Variants in CCDC60 observed in about 807,000 individuals in gnomAD.
CCDC60 encodes coiled-coil domain-containing protein 60.
Under a neutral mutation model 63.5 loss-of-function variants are expected in CCDC60, and 54 were observed. The observed-to-expected ratio is 0.85, with a 90% CI of 0.68 to 1.07. CCDC60 has a LOEUF of 1.07. CCDC60 is among the 50% of genes least tolerant of loss of function. CCDC60 has a pLI of 0.00. For missense variants in CCDC60, 651 were observed against 684.3 expected, an observed-to-expected ratio of 0.95 and a Z score of 0.54; for synonymous variants, 206 against 238.8, an observed-to-expected ratio of 0.86 and a Z score of 1.27.
chr12:119,472,074 A>C lies in CCDC60; in HGVS notation c.251A>C (p.Gln84Pro), dbSNP rs1305837033. 2 of 1,614,184 alleles carry C rather than the reference A, an allele frequency of 1.2e-6. No homozygotes were observed. The highest frequency in any genetic ancestry group is 1.7e-6 in the Non-Finnish European group (2 of 1,180,022). Residue 84 changes from glutamine (Q) to proline (P), a missense_variant, in exon 3 of 14, where the codon CAA becomes CCA. Transcript: ENST00000327554. The part of the protein sequence containing the change: ...REETAKKKKQ[Q>P]QLQKLKEEER... ...GAGACTGCAAAGAAAAAGAAGCAAC[A>C]ACAACTTCAGAAACTGAAAGAGGAG...
intron 1 of CCDC60, among the ~76,000 whole-genome samples, chr12:119,428,138 T>C (rs1396178788): frequency 1.3e-5 from 2 of 152,158 alleles, no homozygotes; most frequent in African/African-American, 4.8e-5. Flanking sequence ...GGATAATTCA[T>C]TCATAAACCT....
At chr12:119,375,903 G>A (rs539281092) in intron 1 of CCDC60, among the ~76,000 whole-genome samples, 3 of 152,304 alleles carry the variant, frequency 2.0e-5, no homozygotes, top group Admixed American at 2.0e-4. Flanking sequence ...GAAGCTCTTA[G>A]TATAAAGTCT....
chr12:119,427,330 G>T (rs891295415), intron 1 of CCDC60, among the ~76,000 whole-genome samples: 2 of 152,068 alleles, frequency 1.3e-5, no homozygotes, highest in African/African-American at 4.8e-5. Flanking sequence ...ATATTACTTT[G>T]TAACATGTCT....
chr12:119,436,000 G>A (rs944726164), intron 2 of CCDC60, among the ~76,000 whole-genome samples: 9 of 152,208 alleles, frequency 5.9e-5, no homozygotes, highest in African/African-American at 1.7e-4. Flanking sequence ...GCTAGGACTT[G>A]TAGTCCTAAG....
chr12:119,503,332 G>A (rs1018353335), intron 6 of CCDC60, among the ~76,000 whole-genome samples: 3 of 152,308 alleles, frequency 2.0e-5, no homozygotes, highest in Admixed American at 2.0e-4. Context: ...AAAGAGTAGA[G>A]GGGCCTTCTG....
intron 13 of CCDC60, among the ~76,000 whole-genome samples, chr12:119,534,844 C>T (rs1396908422): frequency 1.3e-5 from 2 of 152,116 alleles, no homozygotes; most frequent in Admixed American, 6.5e-5. Context: ...ACTTTCACAT[C>T]GATGTTCATC....
At position 119,400,285 on chromosome 12, in the gene CCDC60, G is replaced by A. The variant is rs541124056; in HGVS notation, c.91-28398G>A. Among the ~76,000 whole-genome samples, 5 of 152,270 alleles carry A rather than the reference G, an allele frequency of 3.3e-5. No homozygotes were observed. In the South Asian group the frequency reaches 1.0e-3, roughly 32 times the overall value. On this transcript the variant is annotated intron_variant, in intron 1 of 13. Transcript: ENST00000327554. ...AGGATGGTCTCGATCTCCTGACCTC[G>A]TGATCCACCCGCCTTGGCCTCCCAA... is the stretch of plus-strand genomic sequence containing the variant.
chr12:119,512,545 C>A (rs751342601), intron 7 of CCDC60, among the ~76,000 whole-genome samples: 3 of 152,134 alleles, frequency 2.0e-5, no homozygotes, highest in African/African-American at 7.2e-5. Flanking sequence ...GGTGGGCACC[C>A]TACCAGGTGC....
chr12:119,471,244 G>A (rs1311551715), intron 2 of CCDC60, among the ~76,000 whole-genome samples: 1 of 152,204 alleles, frequency 6.6e-6, no homozygotes, highest in African/African-American at 2.4e-5. Flanking sequence ...AAAGAATTAT[G>A]AGGTCCCAAC....
chr12:119,433,725 C>T, intron 2 of CCDC60: 1 of 621,022 alleles, frequency 1.6e-6, no homozygotes, highest in South Asian at 1.9e-5. Flanking sequence ...ATTTTACTGT[C>T]TCTTGGATTT....
intron 1 of CCDC60, among the ~76,000 whole-genome samples, chr12:119,380,515 C>T (rs1211293996): frequency 6.6e-6 from 1 of 152,180 alleles, no homozygotes; most frequent in African/African-American, 2.4e-5. Flanking sequence ...CTTCTCTTAC[C>T]CAACCCCAGA....
At chr12:119,407,476 G>A (rs570177094) in intron 1 of CCDC60, among the ~76,000 whole-genome samples, 3 of 152,272 alleles carry the variant, frequency 2.0e-5, no homozygotes, top group East Asian at 3.9e-4. Flanking sequence ...AGACTGCAGC[G>A]AGCTATGATC....
intron 1 of CCDC60, among the ~76,000 whole-genome samples, chr12:119,352,043 C>T (rs535144353): frequency 6.6e-6 from 1 of 152,290 alleles, no homozygotes; most frequent in South Asian, 2.1e-4. Flanking sequence ...TCAGGAAGCA[C>T]AGTTGGGGAG....
intron 1 of CCDC60, among the ~76,000 whole-genome samples, chr12:119,359,491 T>G (rs1051370444): frequency 7.2e-5 from 11 of 152,158 alleles, no homozygotes; most frequent in Non-Finnish European, 1.2e-4. Context: ...TATTGAGTAC[T>G]TATACATATA....
intron 1 of CCDC60, among the ~76,000 whole-genome samples, chr12:119,419,793 AC>A (rs892234131): frequency 1.3e-5 from 2 of 151,090 alleles, no homozygotes; most frequent in Admixed American, 6.6e-5. Flanking sequence ...CTCTCCTTCT[AC>A]CACCTCTCCC....
At chr12:119,525,108 A>G (rs914985217) in intron 11 of CCDC60, among the ~76,000 whole-genome samples, 1 of 152,198 alleles carries the variant, frequency 6.6e-6, no homozygotes, top group South Asian at 2.1e-4. Context: ...TCATTAACTT[A>G]TTTTGTAGAT....
intron 7 of CCDC60, among the ~76,000 whole-genome samples, chr12:119,510,913 C>T (rs1424596735): frequency 6.6e-6 from 1 of 152,194 alleles, no homozygotes; most frequent in African/African-American, 2.4e-5. Flanking sequence ...GGGCTATGCC[C>T]AGCTGCAAAG....
At chr12:119,362,316 T>C (rs533457435) in intron 1 of CCDC60, among the ~76,000 whole-genome samples, 134 of 152,298 alleles carry the variant, frequency 8.8e-4, no homozygotes, top group African/African-American at 3.1e-3. Context: ...TACATATCTA[T>C]ATACCTGTTA....
intron 11 of CCDC60, chr12:119,524,315 T>C (rs190632525): frequency 3.5e-5 from 9 of 259,882 alleles, no homozygotes; most frequent in Admixed American, 1.3e-4. Context: ...ATGCGGGATT[T>C]GATCTTAAGA....
Sources: allele counts gnomAD v4.1 joint callset (sites outside exome capture counted in the v4.1 genomes callset), GRCh38; gene constraint gnomAD v4.1.1; transcripts MANE v1.5; gene names NCBI Gene and HGNC (gene_info 2026-07-23, HGNC 2026-07-21).